EFCAB10: variants seen among roughly 807,000 people sequenced by gnomAD.
The protein encoded by EFCAB10 is EF-hand calcium binding domain 10.
In EFCAB10, 7 loss-of-function variants were observed where a neutral mutation model predicts 7.7. That is an observed-to-expected ratio of 0.91 (90% CI 0.52 to 1.72). The LOEUF is 1.72. Ranked by LOEUF, EFCAB10 falls within the 40% of genes most tolerant of loss-of-function variation. The pLI is 0.00. For missense variants in EFCAB10, 112 were observed against 61.5 expected, an observed-to-expected ratio of 1.82 and a Z score of -2.74; for synonymous variants, 52 against 21.0, an observed-to-expected ratio of 2.47 and a Z score of -4.03.
At position 105,565,304 on chromosome 7, in the gene EFCAB10, G is replaced by C. The variant is rs1791659155; in HGVS notation, c.*143C>G. 2 of 1,612,268 alleles carry C rather than the reference G, an allele frequency of 1.2e-6. No individual in the cohort carries two copies. The highest frequency in any genetic ancestry group is 2.7e-5 in the African/African-American group (2 of 74,912). ...GGTTGTCCTTGCCATCTCAGTCAGA[G>C]CAGGCAGTGATGTCCCTGTCCAGTT... On this transcript the variant is annotated 3_prime_UTR_variant, in exon 5 of 5. Transcript: ENST00000480514.
At chr7:105,577,529 G>A (rs1318744548) in intron 1 of EFCAB10, among the ~76,000 whole-genome samples, 5 of 151,994 alleles carry the variant, frequency 3.3e-5, no homozygotes, top group Non-Finnish European at 7.4e-5. Flanking sequence ...GCTGCTTTGA[G>A]TGTGATTCTG....
In EFCAB10 at chr7:105,567,185, G is replaced by T. The variant is rs760695096; in HGVS notation, c.383+282C>A. 1.6e-5 allele frequency: 25 copies of T among 1,611,314 alleles called. No homozygotes were observed. The highest frequency in any genetic ancestry group is 2.7e-5 in the African/African-American group (2 of 74,748). ...CTGCACTACTGCTGAAAGATGTACT[G>T]CAGTCAGCTTCAGGGCAGCTTCCTG... On this transcript the variant is annotated intron_variant, in intron 4 of 4. Coordinates refer to ENST00000480514, the MANE Select transcript of EFCAB10 (RefSeq NM_001355526.2).
intron 1 of EFCAB10, among the ~76,000 whole-genome samples, chr7:105,570,075 G>A (rs888421685): frequency 2.7e-5 from 4 of 150,340 alleles, no homozygotes; most frequent in African/African-American, 4.9e-5. Flanking sequence ...TTAGCCAGGC[G>A]TGGTGGTGCA....
chr7:105,568,353 T>C (rs1791845360), intron 3 of EFCAB10, among the ~76,000 whole-genome samples: 1 of 152,238 alleles, frequency 6.6e-6, no homozygotes, highest in Non-Finnish European at 1.5e-5. Flanking sequence ...CTGGAAACTT[T>C]CCACAACTAT....
At chr7:105,567,714 T>C (rs1237929912) in intron 3 of EFCAB10, 2 of 481,552 alleles carry the variant, frequency 4.2e-6, no homozygotes, top group South Asian at 3.3e-5. Flanking sequence ...CACCTGTATC[T>C]AGTTTGGGAA....
At chr7:105,567,075 A>C (rs1292291456) in intron 4 of EFCAB10, 1 of 1,224,584 alleles carries the variant, frequency 8.2e-7, no homozygotes. Flanking sequence ...TAATTGATGC[A>C]GATAATGGAG....
chr7:105,580,764 T>A lies in EFCAB10; in HGVS notation c.106+594A>T, dbSNP rs570668073. Among the ~76,000 whole-genome samples the A allele has an allele frequency of 2.6e-5, 4 of 152,194 alleles. No individual in the cohort carries two copies. In the East Asian group the frequency reaches 7.7e-4, roughly 29 times the overall value. On this transcript the variant is annotated intron_variant, in intron 1 of 4. Transcript: ENST00000480514. ...ACAATTCTGCACCCTGGGGAGGACA[T>A]AAAACCATTTTCACCTAAATATAAC...
intron 1 of EFCAB10, among the ~76,000 whole-genome samples, chr7:105,578,075 A>G (rs1186688386): frequency 1.3e-5 from 2 of 152,140 alleles, no homozygotes; most frequent in East Asian, 1.9e-4. Context: ...GTCTTTTTAA[A>G]TTTTGTTGTT....
chr7:105,577,208 T>G (rs1792102768), intron 1 of EFCAB10, among the ~76,000 whole-genome samples: 1 of 152,246 alleles, frequency 6.6e-6, no homozygotes, highest in African/African-American at 2.4e-5. Context: ...CCCCCCATAA[T>G]GCCTTCTACT....
At chr7:105,569,106 T>C (rs1164350844) in intron 3 of EFCAB10, 97 bp downstream of exon 3, 4 of 665,860 alleles carry the variant, frequency 6.0e-6, no homozygotes, top group Non-Finnish European at 1.1e-5. Flanking sequence ...GAACAAAATA[T>C]TTCTTTCAAA....
intron 3 of EFCAB10, 46 bp from the exon 4 acceptor site, chr7:105,567,536 A>G (rs566598751): frequency 3.7e-5 from 25 of 681,376 alleles, no homozygotes; most frequent in South Asian, 3.6e-4. Context: ...ACTCAATTCT[A>G]TTTACAAGTA....
In EFCAB10 at chr7:105,570,791, G is replaced by A. The variant is rs113397616; in HGVS notation, c.107-1220C>T. 6.1e-3 allele frequency among the ~76,000 whole-genome samples: 929 copies of A among 152,190 alleles called. 8 individuals are homozygous for A. Among genetic ancestry groups the A allele is most frequent in the African/African-American group, 0.021 (883 of 41,534 alleles). ...TGTAATCCCAGCACTTTGGGACGCC[G>A]AGGCAGGTGGATCATGAGGTCGGGA... On this transcript the variant is annotated intron_variant, in intron 1 of 4. Transcript: ENST00000480514.
chr7:105,566,993 A>G (rs1028948054), intron 4 of EFCAB10: 6 of 498,114 alleles, frequency 1.2e-5, no homozygotes, highest in East Asian at 3.3e-5. Context: ...TAATAAATCC[A>G]TAAATATTTT....
chr7:105,565,266 G>GT lies in EFCAB10; in HGVS notation c.*180dup, dbSNP rs770175502. On this transcript the variant is annotated 3_prime_UTR_variant, in exon 5 of 5. Coordinates refer to ENST00000480514, the MANE Select transcript of EFCAB10 (RefSeq NM_001355526.2). ...GATGAAAATTTTTTGGTAAAAATGT[G>GT]TTTTTTCCAGATGGTTGTCCTTGCC... 9.0e-6 allele frequency: 14 copies of GT among 1,561,096 alleles called. No individual in the cohort carries two copies. The highest frequency in any genetic ancestry group is 1.2e-5 in the South Asian group (1 of 84,154).
rs1791881100 is a variant in EFCAB10 at position 105,569,490 on chromosome 7, A to G, written c.188T>C (p.Met63Thr). 1.4e-6 allele frequency: 1 copy of G among 703,066 alleles called. No individual in the cohort carries two copies. The highest frequency in any genetic ancestry group is 2.6e-6 in the Non-Finnish European group (1 of 385,014). 43.6% of individuals were successfully genotyped at this position (703,066 alleles called of 1,614,324 possible). The change falls in exon 2 of 5, where the codon ATG becomes ACG. Residue 63 changes from methionine (M) to threonine (T), a missense_variant. By Grantham distance (81) the Met-to-Thr change is moderately conservative (BLOSUM62 -1). Coordinates refer to ENST00000480514, the MANE Select transcript of EFCAB10 (RefSeq NM_001355526.2). ...KVTGVAFPFF[M>T]DNSNIVAMFE... The stretch of plus-strand genomic sequence containing the variant: ...CATAGCCACAATGTTAGAGTTATCC[A>G]TAAAGAAAGGAAACGCCACGCCTGT...
At chr7:105,575,815 A>G (rs913139446) in intron 1 of EFCAB10, among the ~76,000 whole-genome samples, 7 of 152,084 alleles carry the variant, frequency 4.6e-5, no homozygotes, top group Non-Finnish European at 8.8e-5. Context: ...AGGTGGGAGG[A>G]TCGCCTGAGG....
intron 1 of EFCAB10, among the ~76,000 whole-genome samples, chr7:105,577,715 A>ATT (rs5886360): frequency 7.0e-4 from 98 of 140,634 alleles, no homozygotes; most frequent in East Asian, 5.0e-3. Flanking sequence ...TGTCTGTTCA[A>ATT]TTTTTTTTTT....
At chr7:105,567,245 A>G (rs779874101) in intron 4 of EFCAB10, 1 of 1,613,594 alleles carries the variant, frequency 6.2e-7, no homozygotes, top group East Asian at 2.2e-5. Context: ...GAATTTACAA[A>G]CTGGCTCAAC....
In EFCAB10 at chr7:105,565,202, C is replaced by G; in HGVS notation, c.*245G>C. 7.2e-7 allele frequency: 1 copy of G among 1,386,340 alleles called. No individual in the cohort carries two copies. Among genetic ancestry groups the G allele is most frequent in the South Asian group, 1.4e-5 (1 of 70,622 alleles). 85.9% of individuals were successfully genotyped at this position (1,386,340 alleles called of 1,614,324 possible). ...AATGCCCTAGGACAGAACACTTCCT[C>G]AAATTTAAAATGATTTAAAAACTTG... is the stretch of plus-strand genomic sequence containing the variant. On this transcript the variant is annotated 3_prime_UTR_variant, in exon 5 of 5. Transcript: ENST00000480514.
Sources: gnomAD v4.1 joint callset for allele counts (sites outside exome capture counted in the v4.1 genomes callset) on GRCh38, gnomAD v4.1.1 for gene constraint, MANE v1.5 for transcripts, NCBI Gene and HGNC (gene_info 2026-07-23, HGNC 2026-07-21) for gene names.